Variants in PLCL2 observed in about 807,000 individuals in gnomAD.
PLCL2 encodes phospholipase C like 2.
In PLCL2, 4 loss-of-function variants were observed where a neutral mutation model predicts 79.6. That is an observed-to-expected ratio of 0.05 (90% CI 0.02 to 0.11). PLCL2 has a LOEUF of 0.11. Ranked by LOEUF, PLCL2 falls within the 10% of genes least tolerant of loss-of-function variation. PLCL2 has a pLI of 1.00. For missense variants in PLCL2, 895 were observed against 1,291.0 expected (o/e 0.69, Z 4.70); for synonymous variants, 484 against 457.7 (o/e 1.06, Z -0.73).
At chr3:16,974,413 G>T in intron 1 of PLCL2, among the ~76,000 whole-genome samples, 1 of 152,140 alleles carries the variant, frequency 6.6e-6, no homozygotes, top group Non-Finnish European at 1.5e-5. Context: ...AGGAGGTAGT[G>T]TCAATGGAAG....
At chr3:16,932,281 A>G (rs1697421919) in intron 1 of PLCL2, among the ~76,000 whole-genome samples, 1 of 152,206 alleles carries the variant, frequency 6.6e-6, no homozygotes. Context: ...CATTGTCTCA[A>G]GGACTAACTT....
chr3:16,939,840 C>T (rs148426822), intron 1 of PLCL2, among the ~76,000 whole-genome samples: 160 of 152,228 alleles, frequency 1.1e-3, no homozygotes, highest in South Asian at 3.5e-3. Context: ...CTCAGAAAAA[C>T]GTTTGTTTCT....
rs2064295930 is a variant in PLCL2 at position 17,009,341 on chromosome 3, C to T, written c.328-333C>T. ...CTCACTGTATTACCCAGGTTGGTCT[C>T]AAACTCCTCACCTCAAGCAATCCTC... On this transcript the variant is annotated intron_variant, in intron 1 of 5. Transcript: ENST00000615277. The surrounding 1 kb of genome is among the most constrained non-coding windows in gnomAD (Gnocchi z 4.0). Among the ~76,000 whole-genome samples, 2 of 151,992 alleles carry T rather than the reference C, an allele frequency of 1.3e-5. No homozygotes were observed. The highest frequency in any genetic ancestry group is 2.9e-5 in the Non-Finnish European group (2 of 68,008).
intron 1 of PLCL2, among the ~76,000 whole-genome samples, chr3:16,955,476 T>C (rs1471318918): frequency 2.0e-5 from 3 of 152,228 alleles, no homozygotes; most frequent in East Asian, 1.9e-4. Flanking sequence ...CCTCCAGCTT[T>C]GTTCTTTTGG....
At chr3:17,046,132 T>C (rs2064778315) in intron 4 of PLCL2, among the ~76,000 whole-genome samples, 2 of 152,110 alleles carry the variant, frequency 1.3e-5, no homozygotes, top group South Asian at 4.1e-4. Flanking sequence ...GTCTCTATAA[T>C]TCATAAGCCC....
At chr3:17,072,700 A>C (rs993462198) in intron 5 of PLCL2, among the ~76,000 whole-genome samples, 4 of 151,604 alleles carry the variant, frequency 2.6e-5, no homozygotes. Flanking sequence ...CAATATGAGC[A>C]TTCTCTAATA....
chr3:16,948,243 A>G (rs531025990), intron 1 of PLCL2, among the ~76,000 whole-genome samples: 3 of 152,286 alleles, frequency 2.0e-5, no homozygotes, highest in African/African-American at 7.2e-5. Context: ...CATTATGCTA[A>G]GTAAAAGAAG....
At chr3:16,922,842 C>T (rs1697154975) in intron 1 of PLCL2, among the ~76,000 whole-genome samples, 2 of 152,026 alleles carry the variant, frequency 1.3e-5, no homozygotes, top group Admixed American at 1.3e-4. Context: ...CCCTCACCCA[C>T]CCTCCATCAA....
At chr3:17,004,407 A>AGC (rs2125004313) in intron 1 of PLCL2, among the ~76,000 whole-genome samples, 1 of 152,264 alleles carries the variant, frequency 6.6e-6, no homozygotes, top group Admixed American at 6.5e-5. Context: ...ACAGAAGAGG[A>AGC]GCGCCCATGG....
chr3:17,053,949 C>G (rs576430047), intron 4 of PLCL2, among the ~76,000 whole-genome samples: 2 of 152,150 alleles, frequency 1.3e-5, no homozygotes, highest in Non-Finnish European at 2.9e-5. Flanking sequence ...TTTCTGCAGC[C>G]TGCTTGAATT....
chr3:17,008,648 G>A (rs142511078), intron 1 of PLCL2, among the ~76,000 whole-genome samples: 149 of 152,140 alleles, frequency 9.8e-4, no homozygotes, highest in African/African-American at 3.5e-3. Context: ...GGAGGCGTAC[G>A]TAGAAACAGG....
At chr3:16,934,160 T>G (rs529517186) in intron 1 of PLCL2, among the ~76,000 whole-genome samples, 64 of 152,192 alleles carry the variant, frequency 4.2e-4, no homozygotes, top group Non-Finnish European at 8.7e-4. Flanking sequence ...GAAAAGGTCA[T>G]GCAATGATAG....
At chr3:16,973,626 A>C (rs1417019118) in intron 1 of PLCL2, among the ~76,000 whole-genome samples, 3 of 152,236 alleles carry the variant, frequency 2.0e-5, no homozygotes, top group Non-Finnish European at 4.4e-5. Flanking sequence ...CAGTGTGATC[A>C]GGAAGAATCA....
intron 1 of PLCL2, among the ~76,000 whole-genome samples, chr3:16,922,179 A>G (rs1419454775): frequency 2.0e-5 from 3 of 152,212 alleles, no homozygotes; most frequent in Non-Finnish European, 4.4e-5. Context: ...CTTATTCAGG[A>G]AGAATTTCAG....
At chr3:17,048,801 G>A (rs562509620) in intron 4 of PLCL2, among the ~76,000 whole-genome samples, 6 of 152,158 alleles carry the variant, frequency 3.9e-5, no homozygotes, top group African/African-American at 1.4e-4. Flanking sequence ...TCACAGTTAC[G>A]GCATATTATT....
intron 4 of PLCL2, among the ~76,000 whole-genome samples, chr3:17,051,240 A>G (rs1427768011): frequency 6.6e-6 from 1 of 152,196 alleles, no homozygotes; most frequent in Non-Finnish European, 1.5e-5. Flanking sequence ...CTAGTATTTG[A>G]TAGCGCAACA....
intron 1 of PLCL2, among the ~76,000 whole-genome samples, chr3:16,948,664 G>C (rs546064944): frequency 1.3e-5 from 2 of 152,190 alleles, no homozygotes; most frequent in African/African-American, 4.8e-5. Flanking sequence ...GTGAGTACTT[G>C]AATTTACTAA....
At chr3:17,045,686 T>A (rs2064772915) in intron 4 of PLCL2, among the ~76,000 whole-genome samples, 1 of 152,042 alleles carries the variant, frequency 6.6e-6, no homozygotes, top group Non-Finnish European at 1.5e-5. Flanking sequence ...AATAAAACCA[T>A]GTTGCTAGGA....
At chr3:16,992,416 A>G (rs1228631015) in intron 1 of PLCL2, among the ~76,000 whole-genome samples, 21 of 152,192 alleles carry the variant, frequency 1.4e-4, no homozygotes. Context: ...TGCCCTCCAC[A>G]GTGCTCACCA....
Sources: allele counts gnomAD v4.1 joint callset (sites outside exome capture counted in the v4.1 genomes callset), GRCh38; gene constraint gnomAD v4.1.1; non-coding constraint Gnocchi (gnomAD v3.1); transcripts MANE v1.5; gene names NCBI Gene and HGNC (gene_info 2026-07-23, HGNC 2026-07-21).